PLS3: variants seen among roughly 807,000 people sequenced by gnomAD.
PLS3 encodes plastin 3.
Under a neutral mutation model 46.5 loss-of-function variants are expected in PLS3, and 11 were observed. The observed-to-expected ratio is 0.24, with a 90% CI of 0.15 to 0.39. The LOEUF (loss-of-function observed/expected upper bound fraction) is 0.39, where lower values mean the gene tolerates loss of function less well. Among genes scored for constraint, PLS3 ranks in the 10% least tolerant of loss-of-function variants. The pLI is 1.00. For synonymous variants in PLS3, 167 were observed against 162.2 expected, an observed-to-expected ratio of 1.03 and a Z score of -0.22; for missense variants, 308 against 461.8, an observed-to-expected ratio of 0.67 and a Z score of 3.05.
chrX:115,573,996 G>A (rs1284605936), intron 1 of PLS3, among the ~76,000 whole-genome samples: 1 of 111,058 alleles, frequency 9.0e-6, no homozygotes, highest in Non-Finnish European at 1.9e-5. Flanking sequence ...GAGCCACCTT[G>A]CCTGTCCCAT....
intron 1 of PLS3, among the ~76,000 whole-genome samples, chrX:115,566,188 T>G (rs927243674): frequency 8.9e-6 from 1 of 112,290 alleles, no homozygotes; most frequent in Non-Finnish European, 1.9e-5. Context: ...AACAAGAGTT[T>G]ACAGAAATGG....
chrX:115,596,408 T>C (rs5987938), intron 1 of PLS3, among the ~76,000 whole-genome samples: 17,767 of 111,225 alleles, frequency 0.16, 2,761 homozygotes, highest in African/African-American at 0.49. Flanking sequence ...ACCGTGCTTT[T>C]AAGGAGCTCA....
chrX:115,598,912 ATGAGTCTTTAC>A (rs1179963658), intron 1 of PLS3, among the ~76,000 whole-genome samples: 2 of 111,869 alleles, frequency 1.8e-5, no homozygotes, highest in Admixed American at 9.5e-5. Context: ...AGAACTCTGT[ATGAGTCTTTAC>A]TGAACTCATT....
rs1254604690 is a variant in PLS3, at chrX:115,597,306, G to A, written c.-8-12937G>A. Among the ~76,000 whole-genome samples the A allele has an allele frequency of 2.7e-5, 3 of 111,140 alleles. No individual in the cohort carries two copies. The Admixed American group carries it at 2.9e-4, about 11-fold the overall frequency. ...TCTTCTGCTCTCATCTCTCTTCCCCGCCCTTCTTAATAAACCTTTATATCT... is the reference window on the plus strand; with the variant it reads ...TCTTCTGCTCTCATCTCTCTTCCCCACCCTTCTTAATAAACCTTTATATCT... On this transcript the variant is annotated intron_variant, in intron 1 of 15. Coordinates refer to ENST00000355899, the MANE Select transcript of PLS3 (RefSeq NM_005032.7).
intron 8 of PLS3, among the ~76,000 whole-genome samples, chrX:115,637,852 T>G (rs781879723): frequency 1.1e-4 from 12 of 112,088 alleles, no homozygotes; most frequent in Non-Finnish European, 1.5e-4. Flanking sequence ...ACTACTGATT[T>G]CATCCATGAA....
intron 1 of PLS3, among the ~76,000 whole-genome samples, chrX:115,602,156 T>C (rs1005042919): frequency 2.4e-4 from 27 of 111,779 alleles, no homozygotes; most frequent in Non-Finnish European, 9.4e-5. Context: ...TATATATGAC[T>C]GTGATGGCAT....
intron 14 of PLS3, 32 bp from the exon 15 acceptor site, chrX:115,647,861 A>G: frequency 8.3e-7 from 1 of 1,198,972 alleles, no homozygotes; most frequent in East Asian, 3.0e-5. Context: ...GTATGTATCA[A>G]AATTCTCAGA....
intron 5 of PLS3, among the ~76,000 whole-genome samples, chrX:115,633,094 T>TA (rs200201912): frequency 0.01 from 1,142 of 109,898 alleles, 17 homozygotes; most frequent in African/African-American, 0.035. Context: ...GAGAAAAAAT[T>TA]AAAAAAAATT....
At chrX:115,616,203 G>C (rs2074597233) in intron 2 of PLS3, among the ~76,000 whole-genome samples, 1 of 112,012 alleles carries the variant, frequency 8.9e-6, no homozygotes, top group African/African-American at 3.2e-5. Context: ...CCAATGCTCT[G>C]TTTTTAAAGT....
intron 1 of PLS3, among the ~76,000 whole-genome samples, chrX:115,604,905 A>G (rs1159188168): frequency 8.9e-6 from 1 of 112,076 alleles, no homozygotes; most frequent in African/African-American, 3.2e-5. Flanking sequence ...ACCATCAAGT[A>G]CCTATGAGTA....
At chrX:115,574,646 C>G (rs1365210658) in intron 1 of PLS3, among the ~76,000 whole-genome samples, 2 of 110,363 alleles carry the variant, frequency 1.8e-5, no homozygotes, top group Non-Finnish European at 3.8e-5. Context: ...ATGGCACGAT[C>G]TCGGCTCACC....
intron 1 of PLS3, among the ~76,000 whole-genome samples, chrX:115,580,433 C>T (rs1295047970): frequency 8.9e-6 from 1 of 112,474 alleles, no homozygotes; most frequent in Non-Finnish European, 1.9e-5. Flanking sequence ...TCCTCGTCTA[C>T]TGACATGGTT....
rs2074984997 is a variant in PLS3 at position 115,649,607 on chromosome X, C to A, written c.*46C>A. The A allele has an allele frequency of 1.8e-6, 2 of 1,132,764 alleles. No individual in the cohort carries two copies. Among genetic ancestry groups the A allele is most frequent in the Non-Finnish European group, 2.4e-6 (2 of 836,987 alleles). 93.4% of individuals were successfully genotyped at this position (1,132,764 alleles called of 1,213,427 possible). ...CAGCCATGCTCCCAGGTGCATGATT[C>A]GCAGGTCAGCTATTTCCAGGTGAAG... On this transcript the variant is annotated 3_prime_UTR_variant, in exon 16 of 16. Coordinates refer to ENST00000355899, the MANE Select transcript of PLS3 (RefSeq NM_005032.7).
chrX:115,588,555 A>G lies in PLS3; in HGVS notation c.-8-21688A>G, dbSNP rs782791833. 4.5e-5 allele frequency among the ~76,000 whole-genome samples: 5 copies of G among 112,338 alleles called. No individual in the cohort carries two copies. In the South Asian group the frequency reaches 1.9e-3, roughly 42 times the overall value. On this transcript the variant is annotated intron_variant, in intron 1 of 15. Transcript: ENST00000355899. ...TTATTTTTAAACAAATAAATATCTTAAAAGTTTCGTAGTCGCAATTTTTGA... is the reference window on the plus strand; with the variant it reads ...TTATTTTTAAACAAATAAATATCTTGAAAGTTTCGTAGTCGCAATTTTTGA...
At chrX:115,649,331 C>A in intron 15 of PLS3, 98 bp from the exon 16 acceptor site, 2 of 674,130 alleles carry the variant, frequency 3.0e-6, no homozygotes, top group Non-Finnish European at 4.2e-6. Flanking sequence ...GGAATTTTTG[C>A]ATCCCAGCAT....
At position 115,628,104 on chromosome X, in the gene PLS3, C is replaced by CT. The variant is rs782557651; in HGVS notation, c.238-1093dup. On this transcript the variant is annotated intron_variant, in intron 3 of 15. Coordinates refer to ENST00000355899, the MANE Select transcript of PLS3 (RefSeq NM_005032.7). Reference sequence around the variant, plus strand: ...GCACTCCTTTCGGTCTGACACAGTCCTGTGCGAGACACAAGGCTTGGTTAG... The same window carrying CT: ...GCACTCCTTTCGGTCTGACACAGTCCTTGTGCGAGACACAAGGCTTGGTTAG... 1.7e-4 allele frequency among the ~76,000 whole-genome samples: 19 copies of CT among 112,096 alleles called. No individual in the cohort carries two copies. In the East Asian group the frequency reaches 5.4e-3, roughly 32 times the overall value.
chrX:115,605,904 T>C (rs1308322186), intron 1 of PLS3, among the ~76,000 whole-genome samples: 2 of 111,414 alleles, frequency 1.8e-5, no homozygotes, highest in Non-Finnish European at 3.8e-5. Flanking sequence ...CTTTATGTCA[T>C]ATTGTAATTA....
chrX:115,584,743 C>T (rs186214854), intron 1 of PLS3, among the ~76,000 whole-genome samples: 3 of 111,899 alleles, frequency 2.7e-5, no homozygotes, highest in Non-Finnish European at 5.6e-5. Flanking sequence ...TATCTTCTGT[C>T]ATTTGAAAAA....
At chrX:115,620,710 T>C (rs1288888699) in intron 2 of PLS3, among the ~76,000 whole-genome samples, 12 of 83,510 alleles carry the variant, frequency 1.4e-4, no homozygotes, top group Admixed American at 6.3e-4. Context: ...TCTTTTCTTT[T>C]TTTTTTTTTT....
Sources: gnomAD v4.1 joint callset for allele counts (sites outside exome capture counted in the v4.1 genomes callset) on GRCh38, gnomAD v4.1.1 for gene constraint, MANE v1.5 for transcripts, NCBI Gene and HGNC (gene_info 2026-07-23, HGNC 2026-07-21) for gene names.